SLC43A2: variants seen among roughly 807,000 people sequenced by gnomAD.
SLC43A2 encodes the protein solute carrier family 43 member 2.
A neutral mutation model predicts 63.2 loss-of-function variants in SLC43A2; 38 were observed. That is an observed-to-expected ratio of 0.60 (90% CI 0.46 to 0.79). The LOEUF (loss-of-function observed/expected upper bound fraction) is 0.79. SLC43A2 is among the 30% of genes least tolerant of loss of function. The pLI, the probability that SLC43A2 is intolerant of heterozygous loss-of-function variation, is 0.00. For missense variants in SLC43A2, 644 were observed against 756.2 expected (o/e 0.85, Z 1.74); for synonymous variants, 322 against 331.0 (o/e 0.97, Z 0.30).
At chr17:1,585,733 A>C (rs746493797) in intron 10 of SLC43A2, 180 bp downstream of exon 10, 1 of 1,558,598 alleles carries the variant, frequency 6.4e-7, no homozygotes, top group Middle Eastern at 1.7e-4. Flanking sequence ...TTCCATAAAG[A>C]GGGGAGCAGT....
intron 5 of SLC43A2, among the ~76,000 whole-genome samples, chr17:1,594,800 G>T (rs537198079): frequency 2.0e-5 from 3 of 151,594 alleles, no homozygotes; most frequent in Admixed American, 1.3e-4. Context: ...ACGTTAGCCA[G>T]GATGGTCTGG....
At position 1,622,651 on chromosome 17, in the gene SLC43A2, C is replaced by G. The variant is rs537522162; in HGVS notation, c.160+5064G>C. Among the ~76,000 whole-genome samples, 688 of 152,086 alleles carry G rather than the reference C, an allele frequency of 4.5e-3. 5 individuals carry two copies. Among genetic ancestry groups the G allele is most frequent in the African/African-American group, 0.016 (649 of 41,476 alleles). The stretch of plus-strand genomic sequence containing the variant: ...CCCTTGAGCTGGGCGCAGTGGCTCA[C>G]GCCTGTAATCCCAGCACTTTGGGAG... On this transcript the variant is annotated intron_variant, in intron 2 of 13. Transcript: ENST00000301335.
At position 1,593,402 on chromosome 17, in the gene SLC43A2, C is replaced by T. The variant is rs1392514883; in HGVS notation, c.502-123G>A. On this transcript the variant is annotated intron_variant, in intron 5 of 13. Transcript: ENST00000301335. The surrounding 1 kb of genome is among the most constrained non-coding windows in gnomAD (Gnocchi z 5.3). ...CACCTGCGCCCCTTCCTGTGTGACT[C>T]ACAGGGGCATTAGTTCAGGGGCAAT... 2.4e-6 allele frequency: 2 copies of T among 839,012 alleles called. No homozygotes were observed. Among genetic ancestry groups the T allele is most frequent in the South Asian group, 1.5e-5 (1 of 67,062 alleles). The allele number at this position is 839,012 out of a possible 1,614,324, so 52.0% of individuals were successfully genotyped here.
intron 13 of SLC43A2, among the ~76,000 whole-genome samples, 195 bp from the exon 14 acceptor site, chr17:1,575,960 C>T (rs1455578563): frequency 6.6e-6 from 1 of 152,174 alleles, no homozygotes; most frequent in Admixed American, 6.5e-5. Flanking sequence ...ACCCTCAGGG[C>T]CTGGGCCCCC....
At chr17:1,580,155 T>C (rs562633486) in intron 11 of SLC43A2, among the ~76,000 whole-genome samples, 3 of 152,278 alleles carry the variant, frequency 2.0e-5, no homozygotes. Flanking sequence ...TGACCTCAGG[T>C]GATCCACCCG....
At position 1,590,888 on chromosome 17, in the gene SLC43A2, A is replaced by G; in HGVS notation, c.992T>C (p.Met331Thr). 2.6e-6 allele frequency: 4 copies of G among 1,553,042 alleles called. No individual in the cohort carries two copies. Among genetic ancestry groups the G allele is most frequent in the Non-Finnish European group, 3.5e-6 (4 of 1,147,684 alleles). The change falls in exon 9 of 14, where the codon ATG (methionine) becomes ACG (threonine). Residue 331 changes from methionine (M) to threonine (T), a missense_variant. By Grantham distance (81) the Met-to-Thr change is moderately conservative. Coordinates refer to ENST00000301335, the MANE Select transcript of SLC43A2 (RefSeq NM_152346.3). The stretch of plus-strand genomic sequence containing the variant: ...GATGAGCCGCAGCTGCGTGACGCAC[A>G]TGGTGACCAGGCTGAGCAGCAGGAT... ...SPILLLSLVTMCVTQLRLIFY... is the reference protein window; with the variant it reads ...SPILLLSLVTTCVTQLRLIFY...
At chr17:1,627,063 C>A (rs1391678067) in intron 2 of SLC43A2, among the ~76,000 whole-genome samples, 1 of 152,188 alleles carries the variant, frequency 6.6e-6, no homozygotes, top group Non-Finnish European at 1.5e-5. Flanking sequence ...AGAGAACAAC[C>A]CTAGCATCAT....
chr17:1,604,729 C>A, intron 5 of SLC43A2: 1 of 1,535,820 alleles, frequency 6.5e-7, no homozygotes, highest in East Asian at 2.4e-5. Flanking sequence ...CCATCTGCCC[C>A]CTGCCCTCAC....
chr17:1,611,195 T>G (rs1374365765), intron 5 of SLC43A2, among the ~76,000 whole-genome samples: 1 of 151,374 alleles, frequency 6.6e-6, no homozygotes, highest in East Asian at 2.0e-4. Flanking sequence ...AAAACACCTC[T>G]CGGCATTTCG....
Position 1,605,134 on chromosome 17 carries a change from T to C in SLC43A2, c.501+8061A>G. ...CCCTCAGGTGCTTCCCACAGCCCCCTCGCCGCCTCTGCCTCCGTGCGGGTC... is the reference window on the plus strand; with the variant it reads ...CCCTCAGGTGCTTCCCACAGCCCCCCCGCCGCCTCTGCCTCCGTGCGGGTC... On this transcript the variant is annotated intron_variant, in intron 5 of 13. Coordinates refer to ENST00000301335, the MANE Select transcript of SLC43A2 (RefSeq NM_152346.3). The surrounding 1 kb of genome is among the most constrained non-coding windows in gnomAD (Gnocchi z 4.9). The C allele has an allele frequency of 1.6e-6, 2 of 1,281,748 alleles. No individual in the cohort carries two copies. The highest frequency in any genetic ancestry group is 3.4e-5 in the South Asian group (2 of 57,988). 79.4% of individuals were successfully genotyped at this position (1,281,748 alleles called of 1,614,324 possible). A position where few individuals can be genotyped will look rare whatever the true frequency, so the allele number is the denominator to read the frequency against.
At chr17:1,599,562 G>A (rs867632261) in intron 5 of SLC43A2, among the ~76,000 whole-genome samples, 7 of 151,752 alleles carry the variant, frequency 4.6e-5, no homozygotes, top group Non-Finnish European at 1.0e-4. Context: ...TTAGCTGGGC[G>A]TGGTGGCAGG....
At chr17:1,618,081 C>T (rs536904650) in intron 2 of SLC43A2, among the ~76,000 whole-genome samples, 2 of 152,302 alleles carry the variant, frequency 1.3e-5, no homozygotes, top group Admixed American at 6.5e-5. Context: ...GCTGTAGCGC[C>T]GAGGTTTGCA....
intron 13 of SLC43A2, 97 bp from the exon 14 acceptor site, chr17:1,575,862 CG>C (rs1295161820): frequency 3.8e-5 from 52 of 1,367,814 alleles, no homozygotes; most frequent in Non-Finnish European, 4.7e-5. Context: ...GAGAAGGTCA[CG>C]GGGTGGAAGG....
intron 5 of SLC43A2, chr17:1,603,222 A>C (rs1906244566): frequency 6.6e-6 from 1 of 152,124 alleles, no homozygotes; most frequent in Non-Finnish European, 1.5e-5. Flanking sequence ...GAGGAAGAAA[A>C]GGAAGCCGAC....
At chr17:1,580,013 G>A (rs2075988091) in intron 11 of SLC43A2, among the ~76,000 whole-genome samples, 1 of 151,078 alleles carries the variant, frequency 6.6e-6, no homozygotes, top group Non-Finnish European at 1.5e-5. Flanking sequence ...TGCAAGCTCC[G>A]CCTCCTGGAT....
chr17:1,581,293 C>T (rs1013542883), intron 11 of SLC43A2, among the ~76,000 whole-genome samples: 7 of 152,142 alleles, frequency 4.6e-5, no homozygotes, highest in Admixed American at 1.3e-4. Flanking sequence ...GTGAGACCTA[C>T]ATAAAACAAA....
upstream of SLC43A2, among the ~76,000 whole-genome samples, chr17:1,629,139 G>A (rs1416486175): frequency 6.6e-6 from 1 of 152,074 alleles, no homozygotes; most frequent in Non-Finnish European, 1.5e-5. Flanking sequence ...ACCCTGCGAG[G>A]CTGGGGCTCC....
chr17:1,593,271 G>C lies in SLC43A2; in HGVS notation c.510C>G (p.Asn170Lys). 6.2e-7 allele frequency: 1 copy of C among 1,613,786 alleles called. No individual in the cohort carries two copies. The highest frequency in any genetic ancestry group is 1.3e-5 in the African/African-American group (1 of 75,054). ...ACGTGGACCGAAGGTCGCCGAACAT[G>C]TTGGGCAGCTGAGAGATAAGAAGCA... is the stretch of plus-strand genomic sequence containing the variant. ...CMTFTSLTLP[N>K]MFGDLRSTFI... is the part of the protein sequence containing the mutation. The change falls in exon 6 of 14, where the codon AAC (asparagine) becomes AAG (lysine). Residue 170 changes from asparagine to lysine, a missense_variant. Coordinates refer to ENST00000301335, the MANE Select transcript of SLC43A2 (RefSeq NM_152346.3). This position sits in a 1 kb window ranked among gnomAD's most constrained non-coding sequence, Gnocchi z 5.3.
At chr17:1,594,753 A>G (rs929158795) in intron 5 of SLC43A2, among the ~76,000 whole-genome samples, 7 of 151,300 alleles carry the variant, frequency 4.6e-5, no homozygotes, top group Non-Finnish European at 1.0e-4. Flanking sequence ...ACACCCGGCT[A>G]ATTTTTTTGT....
Sources: allele counts gnomAD v4.1 joint callset (sites outside exome capture counted in the v4.1 genomes callset), GRCh38; gene constraint gnomAD v4.1.1; non-coding constraint Gnocchi (gnomAD v3.1); transcripts MANE v1.5; gene names NCBI Gene and HGNC (gene_info 2026-07-23, HGNC 2026-07-21).